The following CPLX2 variants were observed in gnomAD, a reference collection of about 807,000 sequenced individuals.
CPLX2 encodes the protein complexin 2.
CPLX2 carries 5 observed loss-of-function variants against 16.3 expected under a neutral mutation model. The ratio of observed to expected loss-of-function variants is 0.31; its 90% confidence interval spans 0.16 to 0.64. The LOEUF (loss-of-function observed/expected upper bound fraction) is 0.64. Among genes scored for constraint, CPLX2 ranks in the 30% least tolerant of loss-of-function variants. The probability of loss-of-function intolerance (pLI) is 0.79; values close to 1 mark genes in which losing one functional copy is unlikely to be tolerated. For synonymous variants in CPLX2, 89 were observed against 73.2 expected (o/e 1.22, Z -1.10); for missense variants, 144 against 181.4 (o/e 0.79, Z 1.18).
At chr5:175,823,568 GAA>G (rs1758552302) in intron 2 of CPLX2, among the ~76,000 whole-genome samples, 2 of 152,202 alleles carry the variant, frequency 1.3e-5, no homozygotes, top group African/African-American at 2.4e-5. Context: ...GTTGATAGAT[GAA>G]CCCCAAGTTC....
intron 2 of CPLX2, among the ~76,000 whole-genome samples, chr5:175,824,203 C>T (rs957878143): frequency 1.3e-5 from 2 of 152,218 alleles, no homozygotes; most frequent in African/African-American, 4.8e-5. Context: ...GTTTCCCAAA[C>T]ATGCTGCATT....
rs372411536 is a variant in CPLX2 at position 175,831,968 on chromosome 5, CT to C, written c.-89+22901del. Among the ~76,000 whole-genome samples the C allele has an allele frequency of 9.2e-5, 14 of 152,344 alleles. No homozygotes were observed. The East Asian group carries it at 2.3e-3, about 25-fold the overall frequency. ...CAAGGCAACTTATCCACTTCTGACA[CT>C]GTTCTAAAGAGGTCCAGCTCTTCCC... On this transcript the variant is annotated intron_variant, in intron 2 of 4. Transcript: ENST00000359546.
At chr5:175,835,728 CTTTTTTTTTTTTTTTTTTT>C (rs71575283) in intron 2 of CPLX2, among the ~76,000 whole-genome samples, 1 of 54,770 alleles carries the variant, frequency 1.8e-5, no homozygotes, top group Non-Finnish European at 3.1e-5. Context: ...TATTTATTTA[CTTTTTTTTTTTTTTTTTTT>C]TTTTTTTTTG....
intron 2 of CPLX2, among the ~76,000 whole-genome samples, chr5:175,851,980 C>CT (rs949247936): frequency 2.6e-5 from 4 of 152,222 alleles, no homozygotes; most frequent in African/African-American, 9.6e-5. Context: ...CACCGTGTTT[C>CT]TTTTTTCTAC....
rs556377204 is a variant in CPLX2, at chr5:175,798,769, C to T, written c.-169+1985C>T. Among the ~76,000 whole-genome samples, 15 of 152,198 alleles carry T rather than the reference C, an allele frequency of 9.9e-5. No homozygotes were observed. The South Asian group carries it at 3.1e-3, about 32-fold the overall frequency. On this transcript the variant is annotated intron_variant, in intron 1 of 4. Transcript: ENST00000359546. ...CCCATCATTCAGCTTCAACAGTTGGCCAATTTTGTTTCATTTATACCCACA... is the reference window on the plus strand; with the variant it reads ...CCCATCATTCAGCTTCAACAGTTGGTCAATTTTGTTTCATTTATACCCACA...
chr5:175,841,776 TCTC>T (rs1758949047), intron 2 of CPLX2, among the ~76,000 whole-genome samples: 1 of 152,182 alleles, frequency 6.6e-6, no homozygotes, highest in Admixed American at 6.5e-5. Flanking sequence ...GAATCCCAGC[TCTC>T]CTCCTGCCTG....
intron 2 of CPLX2, among the ~76,000 whole-genome samples, chr5:175,823,272 G>A (rs375598937): frequency 6.6e-6 from 1 of 152,192 alleles, no homozygotes; most frequent in African/African-American, 2.4e-5. Context: ...GTAAATGATG[G>A]ATGGAGGGAT....
At chr5:175,800,384 G>C (rs867644968) in intron 1 of CPLX2, among the ~76,000 whole-genome samples, 1 of 151,852 alleles carries the variant, frequency 6.6e-6, no homozygotes, top group Non-Finnish European at 1.5e-5. Context: ...AAGCCAATAA[G>C]AGCCAATAAA....
At chr5:175,807,691 CTCA>C (rs60059573) in intron 1 of CPLX2, among the ~76,000 whole-genome samples, 24,830 of 86,952 alleles carry the variant, frequency 0.29, 2,411 homozygotes, top group Middle Eastern at 0.38. Context: ...CACCCACTTA[CTCA>C]TCATTCATTC....
upstream of CPLX2, chr5:175,871,445 GA>G: frequency 9.8e-6 from 1 of 101,618 alleles, no homozygotes; most frequent in East Asian, 2.9e-4. Context: ...GAGAGAGAGA[GA>G]GAGAGAGAGA....
intron 1 of CPLX2, among the ~76,000 whole-genome samples, chr5:175,876,744 T>C (rs1176568329): frequency 6.6e-6 from 1 of 152,206 alleles, no homozygotes; most frequent in Non-Finnish European, 1.5e-5. Flanking sequence ...CACTGCCACC[T>C]GGTAATTCCT....
At chr5:175,823,725 G>C (rs1758555068) in intron 2 of CPLX2, among the ~76,000 whole-genome samples, 1 of 152,196 alleles carries the variant, frequency 6.6e-6, no homozygotes. Flanking sequence ...ACCCAGGGCT[G>C]TGTGATGATG....
chr5:175,847,915 T>G (rs1354732423), intron 2 of CPLX2, among the ~76,000 whole-genome samples: 1 of 152,218 alleles, frequency 6.6e-6, no homozygotes, highest in Non-Finnish European at 1.5e-5. Flanking sequence ...TTTTATGGCC[T>G]CTGATGCTGA....
At chr5:175,879,161 C>T (rs1397034618) in intron 3 of CPLX2, 78 bp downstream of exon 3, 2 of 1,413,094 alleles carry the variant, frequency 1.4e-6, no homozygotes, top group Admixed American at 2.3e-5. Flanking sequence ...CCTGCTGGGG[C>T]TCCCCTGGAT....
At chr5:175,835,536 C>T (rs187282197) in intron 2 of CPLX2, among the ~76,000 whole-genome samples, 23 of 152,144 alleles carry the variant, frequency 1.5e-4, no homozygotes, top group African/African-American at 4.1e-4. Flanking sequence ...CTCATGAACA[C>T]GGATGCAAAA....
chr5:175,836,455 G>A (rs923811966), intron 2 of CPLX2, among the ~76,000 whole-genome samples: 7 of 152,236 alleles, frequency 4.6e-5, no homozygotes, highest in Non-Finnish European at 8.8e-5. Context: ...TGACTGGAAC[G>A]AGGCTCTTAC....
intron 2 of CPLX2, among the ~76,000 whole-genome samples, chr5:175,822,071 G>A (rs1758520473): frequency 6.6e-6 from 1 of 152,148 alleles, no homozygotes; most frequent in East Asian, 1.9e-4. Context: ...TCATTTGCCT[G>A]GAACGTAGGG....
At chr5:175,828,989 C>T (rs1415030150) in intron 2 of CPLX2, among the ~76,000 whole-genome samples, 1 of 152,102 alleles carries the variant, frequency 6.6e-6, no homozygotes, top group Admixed American at 6.5e-5. Context: ...ACGCACTCCC[C>T]GCAAACACAC....
intron 2 of CPLX2, among the ~76,000 whole-genome samples, chr5:175,840,681 A>C (rs1019677680): frequency 5.9e-5 from 9 of 152,368 alleles, no homozygotes; most frequent in African/African-American, 2.2e-4. Flanking sequence ...ATGCAAAGGC[A>C]TGAAGTTCTT....
Sources: gnomAD v4.1 joint callset for allele counts (sites outside exome capture counted in the v4.1 genomes callset) on GRCh38, gnomAD v4.1.1 for gene constraint, MANE v1.5 for transcripts, NCBI Gene and HGNC (gene_info 2026-07-23, HGNC 2026-07-21) for gene names.